GLDC: variants seen among roughly 807,000 people sequenced by gnomAD.
GLDC encodes the protein glycine decarboxylase.
GLDC carries 104 observed loss-of-function variants against 121.3 expected under a neutral mutation model. The ratio of observed to expected loss-of-function variants is 0.86; its 90% confidence interval spans 0.73 to 1.01. GLDC has a LOEUF of 1.01. GLDC is among the 50% of genes least tolerant of loss of function. GLDC has a pLI of 0.00. For missense variants in GLDC, 1,429 were observed against 1,306.6 expected (o/e 1.09, Z -1.44); for synonymous variants, 546 against 480.6 (o/e 1.14, Z -1.78).
intron 15 of GLDC, among the ~76,000 whole-genome samples, chr9:6,576,579 G>A (rs1818069818): frequency 6.6e-6 from 1 of 152,092 alleles, no homozygotes; most frequent in Non-Finnish European, 1.5e-5. Context: ...CAATTGTCCT[G>A]CCTCAGCCTC....
chr9:6,641,410 G>A (rs75329964), intron 2 of GLDC, among the ~76,000 whole-genome samples: 1 of 152,214 alleles, frequency 6.6e-6, no homozygotes, highest in East Asian at 1.9e-4. Context: ...GTGCACATCT[G>A]TAAACTGGAT....
intron 13 of GLDC, 47 bp downstream of exon 13, chr9:6,588,571 G>C (rs912127401): frequency 6.7e-7 from 1 of 1,488,020 alleles, no homozygotes; most frequent in Non-Finnish European, 9.4e-7. Flanking sequence ...CAAGAGACGT[G>C]GGATTGGGGT....
intron 2 of GLDC, among the ~76,000 whole-genome samples, chr9:6,642,351 G>A (rs1479129991): frequency 6.6e-6 from 1 of 152,040 alleles, no homozygotes; most frequent in East Asian, 1.9e-4. Flanking sequence ...CCAACATGGA[G>A]AAACCCCATC....
chr9:6,619,512 G>T (rs1819038526), intron 3 of GLDC, among the ~76,000 whole-genome samples: 1 of 152,092 alleles, frequency 6.6e-6, no homozygotes, highest in African/African-American at 2.4e-5. Context: ...CGGATCACCT[G>T]AGGTCAGGAG....
intron 1 of GLDC, 142 bp downstream of exon 1, chr9:6,645,103 G>C (rs1252629539): frequency 2.6e-6 from 2 of 781,770 alleles, no homozygotes; most frequent in Non-Finnish European, 4.0e-6. Flanking sequence ...GCACGAATTT[G>C]CTTCCACGCC....
intron 15 of GLDC, chr9:6,567,156 G>A (rs575006666): frequency 5.3e-5 from 8 of 152,086 alleles, no homozygotes; most frequent in Non-Finnish European, 8.8e-5. Context: ...AGAAAGAAAA[G>A]AAGAAAGAAA....
intron 5 of GLDC, 81 bp from the exon 6 acceptor site, chr9:6,605,359 A>G (rs1818709056): frequency 3.4e-6 from 5 of 1,465,764 alleles, no homozygotes; most frequent in African/African-American, 2.8e-5. Flanking sequence ...CCAGTAAGAC[A>G]GCATTCATTT....
rs1818624630 is a variant in GLDC, at chr9:6,602,189, C to T, written c.1075G>A (p.Glu359Lys). Residue 359 changes from glutamate to lysine, a missense_variant, in exon 8 of 25, where the codon GAA (glutamate) becomes AAA (lysine). Transcript: ENST00000321612. ...GTTTGAAGAGCAAGACGATACACTT[C>T]TTTCCCAGTGGCATCTCTACACCAA... is the stretch of plus-strand genomic sequence containing the variant. The part of the protein sequence containing the change: ...VGVTRDATGK[E>K]VYRLALQTRE... The T allele has an allele frequency of 1.9e-6, 3 of 1,610,746 alleles. No individual in the cohort carries two copies. The highest frequency in any genetic ancestry group is 2.5e-6 in the Non-Finnish European group (3 of 1,177,172).
Position 6,604,715 on chromosome 9 carries a change from C to T in GLDC, c.931G>A (p.Asp311Asn), listed in dbSNP as rs1818694638. Reference sequence around the variant, plus strand: ...CTCTGGGAGCTGCCCAGGGCGATGTCTACCCCAAATTCTCCAGGTGGCCTC... The same window carrying T: ...CTCTGGGAGCTGCCCAGGGCGATGTTTACCCCAAATTCTCCAGGTGGCCTC... ...ILRPPGEFGV[D>N]IALGSSQRFG... Residue 311 changes from aspartate (D) to asparagine (N), a missense_variant, in exon 7 of 25, where the codon GAC becomes AAC. By Grantham distance (23) the Asp-to-Asn change is conservative. Transcript: ENST00000321612. 4.3e-6 allele frequency: 7 copies of T among 1,614,156 alleles called. No individual in the cohort carries two copies. The highest frequency in any genetic ancestry group is 5.9e-6 in the Non-Finnish European group (7 of 1,179,982).
In GLDC at chr9:6,645,469, G is replaced by A; in HGVS notation, c.31C>T (p.Arg11Cys). 2 of 1,249,144 alleles carry A rather than the reference G, an allele frequency of 1.6e-6. No homozygotes were observed. The highest frequency in any genetic ancestry group is 3.2e-5 in the South Asian group (1 of 30,916). The allele number at this position is 1,249,144 out of a possible 1,614,324, so 77.4% of individuals were successfully genotyped here. Reference protein sequence around the residue: MQSCARAWGLRLGRGVGGGRR... With the variant: MQSCARAWGLCLGRGVGGGRR... ...CCGCCCCCGACCCCGCGGCCCAGGC[G>A]CAGCCCCCACGCCCTGGCACAGGAC... The change falls in exon 1 of 25, where the codon CGC (arginine) becomes TGC (cysteine). Residue 11 changes from arginine (R) to cysteine (C), a missense_variant. Coordinates refer to ENST00000321612, the MANE Select transcript of GLDC (RefSeq NM_000170.3).
Position 6,580,652 on chromosome 9 carries a change from G to A in GLDC, c.1850+6489C>T, listed in dbSNP as rs1170007131. On this transcript the variant is annotated intron_variant, in intron 15 of 24. Transcript: ENST00000321612. Reference sequence around the variant, plus strand: ...TTTCAGCTGACTCTTGTCTCCTTGCGGGCTGGTTTTGCAATAAATAAAGCC... The same window carrying A: ...TTTCAGCTGACTCTTGTCTCCTTGCAGGCTGGTTTTGCAATAAATAAAGCC... 2.6e-5 allele frequency among the ~76,000 whole-genome samples: 4 copies of A among 152,222 alleles called. No individual in the cohort carries two copies. The East Asian group carries it at 5.8e-4, about 22-fold the overall frequency.
At chr9:6,544,785 A>C (rs1817351785) in intron 21 of GLDC, among the ~76,000 whole-genome samples, 1 of 152,128 alleles carries the variant, frequency 6.6e-6, no homozygotes, top group Non-Finnish European at 1.5e-5. Flanking sequence ...ACAGCTGTGG[A>C]TTTTTGCAAT....
rs1221965521 is a variant in GLDC, at chr9:6,587,430, C to T, written c.1708-147G>A. The T allele has an allele frequency of 5.9e-6, 4 of 677,396 alleles. No individual in the cohort carries two copies. The African/African-American group carries it at 7.2e-5, about 12-fold the overall frequency. The allele number at this position is 677,396 out of a possible 1,614,324, so 42.0% of individuals were successfully genotyped here. A position where few individuals can be genotyped will look rare whatever the true frequency, so the allele number is the denominator to read the frequency against. ...CATATGTTAATTTATTTAAGTTCCA[C>T]CACAACCTTATAAGGTAAGTACCGT... is the stretch of plus-strand genomic sequence containing the variant. On this transcript the variant is annotated intron_variant, in intron 14 of 24. Transcript: ENST00000321612.
chr9:6,620,187 C>T lies in GLDC; in HGVS notation c.467G>A (p.Gly156Glu), dbSNP rs2129948795. The stretch of plus-strand genomic sequence containing the variant: ...CCTGAACTGAGAAATACATTACCAT[C>T]CTGAGTTCTCCAGTAAGTTCCGCAA... ...TILRNLLENS[G>E]WITQYTPYQP... The change falls in exon 3 of 25, where the codon GGA (glycine) becomes GAA (glutamate). Residue 156 changes from glycine to glutamate, a missense_variant. By Grantham distance (98) the Gly-to-Glu change is moderately conservative (BLOSUM62 -2). Transcript: ENST00000321612. The T allele has an allele frequency of 6.2e-7, 1 of 1,612,576 alleles. No homozygotes were observed. The highest frequency in any genetic ancestry group is 8.5e-7 in the Non-Finnish European group (1 of 1,179,746).
rs182496636 is a variant in GLDC at position 6,544,594 on chromosome 9, G to A, written c.2570-4448C>T. On this transcript the variant is annotated intron_variant, in intron 21 of 24. Coordinates refer to ENST00000321612, the MANE Select transcript of GLDC (RefSeq NM_000170.3). ...GCGGGGGTTGCAGTGAGCCGAGATT[G>A]CACCACTGGACTCTAGCCTGGGTGA... is the stretch of plus-strand genomic sequence containing the variant. 4.5e-3 allele frequency among the ~76,000 whole-genome samples: 649 copies of A among 143,116 alleles called. 4 individuals are homozygous for A. Among genetic ancestry groups the A allele is most frequent in the African/African-American group, 0.016 (600 of 37,674 alleles). 93.9% of individuals were successfully genotyped at this position (143,116 alleles called of 152,430 possible).
Position 6,606,390 on chromosome 9 carries a change from C to T in GLDC, c.713+202G>A, listed in dbSNP as rs28367179. 4.8e-3 allele frequency among the ~76,000 whole-genome samples: 734 copies of T among 151,736 alleles called. 6 individuals are homozygous for T. The highest frequency in any genetic ancestry group is 0.016 in the African/African-American group (668 of 41,362). On this transcript the variant is annotated intron_variant, in intron 5 of 24. Transcript: ENST00000321612. Reference sequence around the variant, plus strand: ...GCAATGGCAATTGTGTATTTCCCCACTCAATTCTGACACAGTTTACTTACC... The same window carrying T: ...GCAATGGCAATTGTGTATTTCCCCATTCAATTCTGACACAGTTTACTTACC...
intron 16 of GLDC, among the ~76,000 whole-genome samples, chr9:6,562,799 G>C (rs1587929938): frequency 6.6e-6 from 1 of 151,920 alleles, no homozygotes; most frequent in Admixed American, 6.5e-5. Context: ...GACCTTAGGT[G>C]ATCTGCCTGC....
At chr9:6,622,257 C>G (rs1819116591) in intron 2 of GLDC, among the ~76,000 whole-genome samples, 1 of 152,070 alleles carries the variant, frequency 6.6e-6, no homozygotes, top group South Asian at 2.1e-4. Flanking sequence ...CCCCCTCCCC[C>G]TCTCCCCACG....
intron 15 of GLDC, chr9:6,585,187 T>C (rs1818244208): frequency 6.6e-6 from 1 of 152,192 alleles, no homozygotes; most frequent in South Asian, 2.1e-4. Flanking sequence ...GAAGACAAAT[T>C]TCCTGATTCT....
Sources: allele counts gnomAD v4.1 joint callset (sites outside exome capture counted in the v4.1 genomes callset), GRCh38; gene constraint gnomAD v4.1.1; transcripts MANE v1.5; gene names NCBI Gene and HGNC (gene_info 2026-07-23, HGNC 2026-07-21).